The following GRIK1 variants were observed in gnomAD, a reference collection of about 807,000 sequenced individuals.
The protein encoded by GRIK1 is glutamate receptor ionotropic, kainate 1.
A neutral mutation model predicts 105.7 loss-of-function variants in GRIK1; 69 were observed. The ratio of observed to expected loss-of-function variants is 0.65; its 90% confidence interval spans 0.54 to 0.80. The LOEUF (loss-of-function observed/expected upper bound fraction) is 0.80, where lower values mean the gene tolerates loss of function less well. GRIK1 is among the 30% of genes least tolerant of loss of function. The pLI, the probability that GRIK1 is intolerant of heterozygous loss-of-function variation, is 0.00. For synonymous variants in GRIK1, 438 were observed against 431.3 expected, an observed-to-expected ratio of 1.02 and a Z score of -0.19; for missense variants, 1,109 against 1,167.3, an observed-to-expected ratio of 0.95 and a Z score of 0.73.
intron 7 of GRIK1, among the ~76,000 whole-genome samples, chr21:29,614,961 A>T (rs921249262): frequency 6.6e-6 from 1 of 151,564 alleles, no homozygotes; most frequent in Admixed American, 6.6e-5. Flanking sequence ...AAAGGCAGGG[A>T]TGGGTATCTC....
chr21:29,872,192 C>CTTT (rs35165931), intron 1 of GRIK1, among the ~76,000 whole-genome samples: 1 of 107,676 alleles, frequency 9.3e-6, no homozygotes, highest in Non-Finnish European at 2.0e-5. Context: ...GCTCTCACTT[C>CTTT]TTTTTTTTTT....
intron 1 of GRIK1, among the ~76,000 whole-genome samples, chr21:29,790,688 A>G (rs1601705168): frequency 6.6e-6 from 1 of 151,826 alleles, no homozygotes; most frequent in East Asian, 2.0e-4. Context: ...CCTGGGCTCA[A>G]GTGATCCACC....
intron 1 of GRIK1, among the ~76,000 whole-genome samples, chr21:29,867,678 C>T (rs1404574433): frequency 6.6e-6 from 1 of 152,030 alleles, no homozygotes; most frequent in African/African-American, 2.4e-5. Flanking sequence ...CCTATAATCC[C>T]AGGTACTTGG....
intron 3 of GRIK1, among the ~76,000 whole-genome samples, chr21:29,683,249 T>G (rs1458190869): frequency 6.6e-6 from 1 of 152,242 alleles, no homozygotes; most frequent in African/African-American, 2.4e-5. Flanking sequence ...AAAACAGGAC[T>G]GCCATTTGGC....
rs145643989 is a variant in GRIK1, at chr21:29,623,119, C to T, written c.1098+19707G>A. On this transcript the variant is annotated intron_variant, in intron 7 of 17. Coordinates refer to ENST00000327783, the MANE Select transcript of GRIK1 (RefSeq NM_001330994.2). ...ATAAAGTAAAGAGGTTTAATGGTCT[C>T]GCAGTTCCACATGGCTGGGGAAGCC... is the stretch of plus-strand genomic sequence containing the variant. Among the ~76,000 whole-genome samples the T allele has an allele frequency of 8.1e-4, 123 of 152,234 alleles. 1 individual carries two copies. In the East Asian group the frequency reaches 0.022, roughly 27 times the overall value.
At chr21:29,739,604 T>C (rs1475814282) in intron 1 of GRIK1, among the ~76,000 whole-genome samples, 3 of 152,226 alleles carry the variant, frequency 2.0e-5, no homozygotes, top group Non-Finnish European at 4.4e-5. Context: ...TCATTTTATA[T>C]GGTACAAAGC....
chr21:29,806,598 A>G (rs1426131294), intron 1 of GRIK1, among the ~76,000 whole-genome samples: 2 of 152,142 alleles, frequency 1.3e-5, no homozygotes, highest in Non-Finnish European at 2.9e-5. Flanking sequence ...ATATTGATCA[A>G]TCACTAGGTA....
At chr21:29,770,670 C>T (rs868380725) in intron 1 of GRIK1, among the ~76,000 whole-genome samples, 20 of 152,210 alleles carry the variant, frequency 1.3e-4, no homozygotes, top group Admixed American at 1.0e-3. Flanking sequence ...ATCTTCCTAC[C>T]ACTTCTTGTT....
intron 1 of GRIK1, among the ~76,000 whole-genome samples, chr21:29,713,495 G>A (rs1379234041): frequency 2.0e-5 from 3 of 151,888 alleles, no homozygotes; most frequent in Admixed American, 6.6e-5. Flanking sequence ...GTGCTGTAAT[G>A]CATTTGGAAT....
chr21:29,902,970 T>C (rs2843975), intron 1 of GRIK1, among the ~76,000 whole-genome samples: 33,605 of 151,964 alleles, frequency 0.22, 4,235 homozygotes, highest in African/African-American at 0.34. Flanking sequence ...GCCTCAGAAA[T>C]AACACCACAC....
At chr21:29,889,863 T>C (rs2069826043) in intron 1 of GRIK1, among the ~76,000 whole-genome samples, 1 of 152,078 alleles carries the variant, frequency 6.6e-6, no homozygotes, top group African/African-American at 2.4e-5. Context: ...AGAAGGAAGA[T>C]AAAGCTAAGT....
intron 1 of GRIK1, among the ~76,000 whole-genome samples, chr21:29,759,186 T>C (rs2065440497): frequency 6.6e-6 from 1 of 151,750 alleles, no homozygotes; most frequent in African/African-American, 2.4e-5. Flanking sequence ...GACACAATCT[T>C]GGCTCACTGT....
chr21:29,919,633 T>C (rs901658363), intron 1 of GRIK1, among the ~76,000 whole-genome samples: 2 of 152,262 alleles, frequency 1.3e-5, no homozygotes, highest in Admixed American at 1.3e-4. Context: ...AACCAAGAGT[T>C]TGCTAGAACA....
At chr21:29,917,948 T>C (rs751965189) in intron 1 of GRIK1, among the ~76,000 whole-genome samples, 2 of 151,890 alleles carry the variant, frequency 1.3e-5, no homozygotes, top group Non-Finnish European at 2.9e-5. Flanking sequence ...ACACACACTT[T>C]AATATGCCCC....
chr21:29,826,614 G>GC (rs2067464061), intron 1 of GRIK1, among the ~76,000 whole-genome samples: 1 of 152,032 alleles, frequency 6.6e-6, no homozygotes, highest in African/African-American at 2.4e-5. Context: ...GGGCTTGCCA[G>GC]CCCCCATGAT....
chr21:29,868,644 A>C (rs987738160), intron 1 of GRIK1, among the ~76,000 whole-genome samples: 1 of 152,072 alleles, frequency 6.6e-6, no homozygotes, highest in South Asian at 2.1e-4. Flanking sequence ...CAGCCCTCCT[A>C]TCTCTTTCCT....
At chr21:29,645,508 A>C (rs1417329154) in intron 6 of GRIK1, among the ~76,000 whole-genome samples, 1 of 152,210 alleles carries the variant, frequency 6.6e-6, no homozygotes, top group Non-Finnish European at 1.5e-5. Flanking sequence ...ATATTGGGAA[A>C]GGCAATAAAA....
chr21:29,927,247 A>T (rs2071401299), intron 1 of GRIK1, among the ~76,000 whole-genome samples: 1 of 151,852 alleles, frequency 6.6e-6, no homozygotes, highest in Non-Finnish European at 1.5e-5. Context: ...TATAAATATG[A>T]ATTTATCTAT....
intron 7 of GRIK1, among the ~76,000 whole-genome samples, chr21:29,635,241 C>T (rs2062371976): frequency 6.6e-6 from 1 of 152,170 alleles, no homozygotes; most frequent in African/African-American, 2.4e-5. Context: ...GAGTGGGAGA[C>T]AGACACCCTC....
Sources: allele counts gnomAD v4.1 joint callset (sites outside exome capture counted in the v4.1 genomes callset), GRCh38; gene constraint gnomAD v4.1.1; transcripts MANE v1.5; gene names NCBI Gene and HGNC (gene_info 2026-07-23, HGNC 2026-07-21).